Variants in IL36B observed in about 807,000 individuals in gnomAD.
IL36B encodes the protein interleukin-36 beta.
In IL36B, 23 loss-of-function variants were observed where a neutral mutation model predicts 19.3. The ratio of observed to expected loss-of-function variants is 1.19; its 90% confidence interval spans 0.86 to 1.69. The LOEUF is 1.69. IL36B is among the 40% of genes most tolerant of loss of function. The pLI, the probability that IL36B is intolerant of heterozygous loss-of-function variation, is 0.00. For missense variants in IL36B, 217 were observed against 200.5 expected, an observed-to-expected ratio of 1.08 and a Z score of -0.50; for synonymous variants, 59 against 59.7, an observed-to-expected ratio of 0.99 and a Z score of 0.05.
Position 113,022,545 on chromosome 2 carries a change from C to T in IL36B, c.*129G>A. 1 of 620,096 alleles carries T rather than the reference C, an allele frequency of 1.6e-6. No homozygotes were observed. Among genetic ancestry groups the T allele is most frequent in the East Asian group, 2.8e-5 (1 of 35,900 alleles). 38.4% of individuals were successfully genotyped at this position (620,096 alleles called of 1,614,324 possible). A position where few individuals can be genotyped will look rare whatever the true frequency, so the allele number is the denominator to read the frequency against. On this transcript the variant is annotated 3_prime_UTR_variant, in exon 6 of 6. Transcript: ENST00000259213. ...CCAACTCTTTAAAAATACATAGTGT[C>T]CTTGTTTTACAAACTCTCCAGAACC...
intron 4 of IL36B, chr2:113,028,062 G>T: frequency 6.2e-7 from 1 of 1,614,154 alleles, no homozygotes; most frequent in South Asian, 1.1e-5. Flanking sequence ...TGTGGAAAAA[G>T]AGAAAGGGCT....
intron 3 of IL36B, among the ~76,000 whole-genome samples, chr2:113,029,479 C>T (rs1685033523): frequency 6.6e-6 from 1 of 152,166 alleles, no homozygotes; most frequent in Non-Finnish European, 1.5e-5. Flanking sequence ...TCTTAGAAAT[C>T]AGGCATGTTT....
chr2:113,029,876 G>C (rs1685041425), intron 3 of IL36B, among the ~76,000 whole-genome samples: 1 of 152,150 alleles, frequency 6.6e-6, no homozygotes, highest in Non-Finnish European at 1.5e-5. Flanking sequence ...AGACAAAGGA[G>C]AGTCATAAAA....
intron 1 of IL36B, among the ~76,000 whole-genome samples, chr2:113,034,360 A>C (rs566279479): frequency 1.6e-4 from 25 of 152,226 alleles, no homozygotes; most frequent in African/African-American, 6.0e-4. Flanking sequence ...CCAACTTCTC[A>C]ATAAGGTATT....
At chr2:113,023,838 T>C (rs532238097) in intron 5 of IL36B, among the ~76,000 whole-genome samples, 1 of 152,342 alleles carries the variant, frequency 6.6e-6, no homozygotes, top group East Asian at 1.9e-4. Context: ...CCCTCCTTTC[T>C]TGTTGATAAC....
chr2:113,036,059 C>T (rs1373450994), intron 1 of IL36B, among the ~76,000 whole-genome samples: 1 of 152,206 alleles, frequency 6.6e-6, no homozygotes, highest in Non-Finnish European at 1.5e-5. Flanking sequence ...ATTCTCCTGC[C>T]TCAGCCTCCC....
At chr2:113,032,122 C>T (rs1050318873) in intron 1 of IL36B, among the ~76,000 whole-genome samples, 65 of 115,944 alleles carry the variant, frequency 5.6e-4, no homozygotes, top group East Asian at 1.5e-3. Context: ...AGACAGAGTG[C>T]GTGTGTGTGT....
intron 5 of IL36B, among the ~76,000 whole-genome samples, chr2:113,025,017 G>A (rs1395721889): frequency 6.6e-6 from 1 of 152,152 alleles, no homozygotes; most frequent in Admixed American, 6.6e-5. Context: ...ATGCTGTTGT[G>A]CATATGCATA....
chr2:113,049,050 G>T (rs556523793), intron 1 of IL36B, among the ~76,000 whole-genome samples: 1 of 152,284 alleles, frequency 6.6e-6, no homozygotes, highest in East Asian at 1.9e-4. Flanking sequence ...CAGTTGTGTT[G>T]GTGGGTGATG....
At chr2:113,052,247 G>T (rs1263148230) in intron 1 of IL36B, among the ~76,000 whole-genome samples, 1 of 152,038 alleles carries the variant, frequency 6.6e-6, no homozygotes. Flanking sequence ...ACTGCACCTG[G>T]CTGGTTTCTA....
intron 1 of IL36B, among the ~76,000 whole-genome samples, chr2:113,049,265 A>G (rs1396566854): frequency 6.6e-6 from 1 of 152,256 alleles, no homozygotes; most frequent in Non-Finnish European, 1.5e-5. Context: ...AATAGGCAAC[A>G]AAAGCAACAA....
intron 1 of IL36B, among the ~76,000 whole-genome samples, chr2:113,051,295 C>A (rs1246029265): frequency 6.6e-6 from 1 of 152,244 alleles, no homozygotes; most frequent in Admixed American, 6.5e-5. Context: ...CTGGAAGCCT[C>A]TGAGGCACAG....
At chr2:113,027,853 A>G (rs1005747747) in intron 4 of IL36B, 6 of 1,604,668 alleles carry the variant, frequency 3.7e-6, no homozygotes, top group Non-Finnish European at 5.1e-6. Flanking sequence ...GATGACTCTG[A>G]CAGCTTGATT....
intron 5 of IL36B, among the ~76,000 whole-genome samples, chr2:113,025,088 C>T (rs1425767214): frequency 6.6e-6 from 1 of 152,158 alleles, no homozygotes; most frequent in Admixed American, 6.5e-5. Flanking sequence ...CCGAGCCCTC[C>T]AAGAGGGAGG....
Position 113,028,133 on chromosome 2 carries a change from G to T in IL36B, c.261+806C>A. The T allele has an allele frequency of 1.2e-6, 2 of 1,606,268 alleles. No individual in the cohort carries two copies. Among genetic ancestry groups the T allele is most frequent in the Non-Finnish European group, 1.7e-6 (2 of 1,173,154 alleles). On this transcript the variant is annotated intron_variant, in intron 4 of 5. Coordinates refer to ENST00000259213, the MANE Select transcript of IL36B (RefSeq NM_014438.5). ...TTTTTTTCCTGGGGGTGGAAAAGAG[G>T]CTTGTTAGAGAGGAGGATAGGAGGA...
At chr2:113,032,777 G>A (rs1685103443) in intron 1 of IL36B, among the ~76,000 whole-genome samples, 1 of 152,196 alleles carries the variant, frequency 6.6e-6, no homozygotes, top group African/African-American at 2.4e-5. Flanking sequence ...CAAGGAAAGA[G>A]CATTCTTTCC....
intron 4 of IL36B, chr2:113,028,009 G>A: frequency 6.2e-7 from 1 of 1,614,176 alleles, no homozygotes; most frequent in Non-Finnish European, 8.5e-7. Flanking sequence ...GAACCAGCCA[G>A]GGTAAGAGAC....
chr2:113,048,300 G>A (rs1237308570), intron 1 of IL36B, among the ~76,000 whole-genome samples: 1 of 152,124 alleles, frequency 6.6e-6, no homozygotes. Flanking sequence ...CAGTTAGCCA[G>A]GCATGGTGGC....
At chr2:113,022,797 T>C (rs964304753) in intron 5 of IL36B, 1 of 1,513,608 alleles carries the variant, frequency 6.6e-7, no homozygotes, top group South Asian at 1.1e-5. Flanking sequence ...AGGAGAAGTA[T>C]CTCCTAGGCT....
Sources: allele counts gnomAD v4.1 joint callset (sites outside exome capture counted in the v4.1 genomes callset), GRCh38; gene constraint gnomAD v4.1.1; transcripts MANE v1.5; gene names NCBI Gene and HGNC (gene_info 2026-07-23, HGNC 2026-07-21).